The following IFNL3 variants were observed in gnomAD, a reference collection of about 807,000 sequenced individuals.
The protein encoded by IFNL3 is interferon lambda-3.
In IFNL3, 16 loss-of-function variants were observed where a neutral mutation model predicts 16.3. The observed-to-expected ratio is 0.98, with a 90% CI of 0.67 to 1.50. The LOEUF (loss-of-function observed/expected upper bound fraction) is 1.50, where lower values mean the gene tolerates loss of function less well. Ranked by LOEUF, IFNL3 falls within the 40% of genes most tolerant of loss-of-function variation. The pLI is 0.00. For missense variants in IFNL3, 254 were observed against 253.5 expected, an observed-to-expected ratio of 1.00 and a Z score of -0.01; for synonymous variants, 115 against 115.3, an observed-to-expected ratio of 1.00 and a Z score of 0.02.
chr19:39,244,222 T>C lies in IFNL3; in HGVS notation c.259-65A>G, dbSNP rs1159014975. The stretch of plus-strand genomic sequence containing the variant: ...AGGGGAACAGGTTGGGGGAGGAGGA[T>C]AGAGAGGAACAAGTGAAGGTGACAG... On this transcript the variant is annotated intron_variant, in intron 2 of 4. Coordinates refer to ENST00000413851, the MANE Select transcript of IFNL3 (RefSeq NM_172139.4). The C allele has an allele frequency of 2.5e-6, 4 of 1,592,444 alleles. No homozygotes were observed. The East Asian group carries it at 6.7e-5, about 27-fold the overall frequency.
At position 39,243,627 on chromosome 19, in the gene IFNL3, A is replaced by G. The variant is rs199949612; in HGVS notation, c.*5T>C. On this transcript the variant is annotated 3_prime_UTR_variant, in exon 5 of 5. Coordinates refer to ENST00000413851, the MANE Select transcript of IFNL3 (RefSeq NM_172139.4). The stretch of plus-strand genomic sequence containing the variant: ...AAATCTCAGGTTGCATGACTGGCGG[A>G]AGGGTCAGACACACAGGTCCCCGCT... 4.6e-3 allele frequency: 7,199 copies of G among 1,571,306 alleles called. 121 individuals are homozygous for G. The highest frequency in any genetic ancestry group is 0.041 in the Admixed American group (2,165 of 52,974).
chr19:39,244,777 G>C lies in IFNL3; in HGVS notation c.180+11C>G. 1 of 1,608,600 alleles carries C rather than the reference G, an allele frequency of 6.2e-7. No homozygotes were observed. On this transcript the variant is annotated intron_variant, in intron 1 of 4. Transcript: ENST00000413851. Reference sequence around the variant, plus strand: ...GGCTAGTCCATGGCAGGAGGGCAGGGGGAGACTCACTAAGGCATCTTTGGC... The same window carrying C: ...GGCTAGTCCATGGCAGGAGGGCAGGCGGAGACTCACTAAGGCATCTTTGGC...
At position 39,244,734 on chromosome 19, in the gene IFNL3, C is replaced by T. The variant is rs368072808; in HGVS notation, c.180+54G>A. On this transcript the variant is annotated intron_variant, in intron 1 of 4. Transcript: ENST00000413851. ...GCTGGGAGTGGGAAAGCATGGTGACCCTTGGAGTGCGGGTGGAGGCTAGTC... is the reference window on the plus strand; with the variant it reads ...GCTGGGAGTGGGAAAGCATGGTGACTCTTGGAGTGCGGGTGGAGGCTAGTC... The T allele has an allele frequency of 8.8e-6, 14 of 1,582,338 alleles. No individual in the cohort carries two copies. The Admixed American group carries it at 1.0e-4, about 12-fold the overall frequency.
In IFNL3 at chr19:39,243,713, G is replaced by A. The variant is rs142437843; in HGVS notation, c.510C>T (p.Leu170=). 7.4e-6 allele frequency: 12 copies of A among 1,610,850 alleles called. No individual in the cohort carries two copies. The highest frequency in any genetic ancestry group is 4.5e-5 in the East Asian group (2 of 44,742). Residue 170 remains leucine, a synonymous_variant, in exon 5 of 5, where the codon CTC becomes CTT. Transcript: ENST00000413851. ...AGAGGTTGAAGGTGACAGAGGCCTC[G>A]AGGCAGCCAGGGGACTCCTGTAGGG... ...EAPKKESPGC[L]EASVTFNLFR... is the part of the protein sequence containing the mutation.
rs201850111 is a variant in IFNL3, at chr19:39,243,624, C to T, written c.*8G>A. 6,800 of 1,568,168 alleles carry T rather than the reference C, an allele frequency of 4.3e-3. 116 individuals carry two copies. Among genetic ancestry groups the T allele is most frequent in the Admixed American group, 0.041 (2,131 of 52,462 alleles). On this transcript the variant is annotated 3_prime_UTR_variant, in exon 5 of 5. Transcript: ENST00000413851. ...ATAAAATCTCAGGTTGCATGACTGGCGGAAGGGTCAGACACACAGGTCCCC... is the reference window on the plus strand; with the variant it reads ...ATAAAATCTCAGGTTGCATGACTGGTGGAAGGGTCAGACACACAGGTCCCC...
At chr19:39,244,661 A>G in intron 1 of IFNL3, 127 bp downstream of exon 1, 2 of 1,372,708 alleles carry the variant, frequency 1.5e-6, no homozygotes, top group Admixed American at 4.6e-5. Flanking sequence ...CAGTAGGAGC[A>G]TGAGATAGCC....
At chr19:39,244,718 G>A in intron 1 of IFNL3, 70 bp downstream of exon 1, 1 of 1,553,378 alleles carries the variant, frequency 6.4e-7, no homozygotes, top group Non-Finnish European at 8.7e-7. Flanking sequence ...AGCTGGGAGT[G>A]GGAAAGCATG....
rs764612174 is a variant in IFNL3, at chr19:39,244,084, G to T, written c.332C>A (p.Thr111Asn). 1.2e-6 allele frequency: 2 copies of T among 1,614,236 alleles called. No individual in the cohort carries two copies. Among genetic ancestry groups the T allele is most frequent in the South Asian group, 2.2e-5 (2 of 91,090 alleles). The change falls in exon 3 of 5, where the codon ACT (threonine) becomes AAT (asparagine). Residue 111 changes from threonine (T) to asparagine (N), a missense_variant. Transcript: ENST00000413851. ...CAAGACATCCCCCAGGGCTGGGTCA[G>T]TGTCAGCGGTGGCCTCCAGAACCTT... ...TLKVLEATAD[T>N]DPALGDVLDQ...
Position 39,244,899 on chromosome 19 carries a change from A to C in IFNL3, c.69T>G (p.Pro23=). 1 of 1,614,016 alleles carries C rather than the reference A, an allele frequency of 6.2e-7. No individual in the cohort carries two copies. Among genetic ancestry groups the C allele is most frequent in the Non-Finnish European group, 8.5e-7 (1 of 1,179,874 alleles). ...GGAGAGCCCCGCGGAGCCTGGCGAC[A>C]GGAACTGCTCCAGTCACGGTCAGCA... ...AAVLTVTGAV[P]VARLRGALPD... Residue 23 remains proline, a synonymous_variant, in exon 1 of 5, where the codon CCT becomes CCG. Coordinates refer to ENST00000413851, the MANE Select transcript of IFNL3 (RefSeq NM_172139.4).
Position 39,244,888 on chromosome 19 carries a change from A to G in IFNL3, c.80T>C (p.Leu27Pro). Reference protein sequence around the residue: ...TVTGAVPVARLRGALPDARGC... With the variant: ...TVTGAVPVARPRGALPDARGC... ...CCTTGCATCCGGGAGAGCCCCGCGG[A>G]GCCTGGCGACAGGAACTGCTCCAGT... Residue 27 changes from leucine to proline, a missense_variant, in exon 1 of 5, where the codon CTC becomes CCC. Leu to Pro is a moderately conservative substitution (Grantham distance 98). Coordinates refer to ENST00000413851, the MANE Select transcript of IFNL3 (RefSeq NM_172139.4). The G allele has an allele frequency of 6.2e-7, 1 of 1,613,942 alleles. No individual in the cohort carries two copies. The highest frequency in any genetic ancestry group is 8.5e-7 in the Non-Finnish European group (1 of 1,179,852).
Position 39,243,644 on chromosome 19 carries a change from G to T in IFNL3, c.579C>A (p.Asp193Glu), listed in dbSNP as rs766926821. The stretch of plus-strand genomic sequence containing the variant: ...ACTGGCGGAAGGGTCAGACACACAG[G>T]TCCCCGCTGGCAACACAATTCAGGT... ...TRDLNCVASGDLCV is the reference protein window; with the variant it reads ...TRDLNCVASGELCV Residue 193 changes from aspartate (D) to glutamate (E), a missense_variant, in exon 5 of 5, where the codon GAC becomes GAA. By Grantham distance (45) the Asp-to-Glu change is conservative (BLOSUM62 2). Transcript: ENST00000413851. The T allele has an allele frequency of 1.9e-6, 3 of 1,598,510 alleles. No homozygotes were observed.
chr19:39,244,781 G>A lies in IFNL3; in HGVS notation c.180+7C>T. 2 of 1,609,276 alleles carry A rather than the reference G, an allele frequency of 1.2e-6. No homozygotes were observed. Among genetic ancestry groups the A allele is most frequent in the Non-Finnish European group, 8.5e-7 (1 of 1,176,564 alleles). On this transcript the variant is annotated splice_region_variant and intron_variant, in intron 1 of 4. Transcript: ENST00000413851. ...AGTCCATGGCAGGAGGGCAGGGGGAGACTCACTAAGGCATCTTTGGCCCTC... is the reference window on the plus strand; with the variant it reads ...AGTCCATGGCAGGAGGGCAGGGGGAAACTCACTAAGGCATCTTTGGCCCTC...
chr19:39,244,758 T>A, intron 1 of IFNL3, 30 bp downstream of exon 1: 1 of 1,601,804 alleles, frequency 6.2e-7, no homozygotes. Flanking sequence ...TGGAGGCTAG[T>A]CCATGGCAGG....
chr19:39,245,139 T>A (rs2074939469), upstream of IFNL3: 6 of 1,474,904 alleles, frequency 4.1e-6, no homozygotes, highest in Non-Finnish European at 5.6e-6. Context: ...AGGGTCTGTT[T>A]GGGTCTTGTC....
rs775151824 is a variant in IFNL3 at position 39,244,439 on chromosome 19, G to C, written c.236C>G (p.Thr79Ser). ...CKCRSRLFPR[T>S]WDLRQLQVRE... ...CACCTGCAGCTGCCTCAGGTCCCAG[G>C]TCCTGGGGAAGAGGCGGGAGCGGCA... Residue 79 changes from threonine to serine, a missense_variant, in exon 2 of 5, where the codon ACC becomes AGC. By Grantham distance (58) the Thr-to-Ser change is moderately conservative. Coordinates refer to ENST00000413851, the MANE Select transcript of IFNL3 (RefSeq NM_172139.4). 2 of 1,612,276 alleles carry C rather than the reference G, an allele frequency of 1.2e-6. No individual in the cohort carries two copies. Among genetic ancestry groups the C allele is most frequent in the South Asian group, 2.2e-5 (2 of 90,826 alleles).
chr19:39,244,471 G>C lies in IFNL3; in HGVS notation c.204C>G (p.Asp68Glu). The C allele has an allele frequency of 6.2e-7, 1 of 1,610,434 alleles. No homozygotes were observed. The highest frequency in any genetic ancestry group is 1.1e-5 in the South Asian group (1 of 90,732). ...DALEESLLLK[D>E]CKCRSRLFPR... ...GGAAGAGGCGGGAGCGGCACTTGCAGTCCTTCAGCAGAAGCGACTCTTCCT... is the reference window on the plus strand; with the variant it reads ...GGAAGAGGCGGGAGCGGCACTTGCACTCCTTCAGCAGAAGCGACTCTTCCT... The change falls in exon 2 of 5, where the codon GAC becomes GAG. Residue 68 changes from aspartate to glutamate, a missense_variant. Physicochemically the swap from Asp to Glu is conservative, Grantham distance 45. Coordinates refer to ENST00000413851, the MANE Select transcript of IFNL3 (RefSeq NM_172139.4).
chr19:39,243,779 C>T (rs540316223), intron 4 of IFNL3, 45 bp downstream of exon 4: 5 of 1,612,882 alleles, frequency 3.1e-6, no homozygotes, highest in Non-Finnish European at 4.2e-6. Flanking sequence ...TCTGGGCTCC[C>T]AGTGGCTCCC....
intron 2 of IFNL3, 122 bp downstream of exon 2, chr19:39,244,295 A>C: frequency 2.7e-6 from 4 of 1,474,576 alleles, no homozygotes; most frequent in Non-Finnish European, 3.7e-6. Flanking sequence ...GAGCAGAGGG[A>C]AGGGGTAGCA....
rs2074937366 is a variant in IFNL3 at position 39,244,883 on chromosome 19, CG to C, written c.84del (p.Ala30LeufsTer10). ...VTGAVPVARL[R>X]GALPDARGCH... ...CAGCCCCTTGCATCCGGGAGAGCCC[CG>C]CGGAGCCTGGCGACAGGAACTGCTC... On this transcript the variant is annotated frameshift_variant, in exon 1 of 5. Transcript: ENST00000413851. LOFTEE classifies it high-confidence loss of function. The C allele has an allele frequency of 6.2e-7, 1 of 1,613,872 alleles. No individual in the cohort carries two copies. Among genetic ancestry groups the C allele is most frequent in the African/African-American group, 1.3e-5 (1 of 74,926 alleles).
Sources: gnomAD v4.1 joint callset for allele counts on GRCh38, gnomAD v4.1.1 for gene constraint, MANE v1.5 for transcripts, NCBI Gene and HGNC (gene_info 2026-07-23, HGNC 2026-07-21) for gene names.